Variants in CFDP1 observed in about 807,000 individuals in gnomAD.
CFDP1 encodes the protein chromatin remodeling protein CFDP1.
In CFDP1, 31 loss-of-function variants were observed where a neutral mutation model predicts 40.1. That is an observed-to-expected ratio of 0.77 (90% CI 0.58 to 1.04). CFDP1 has a LOEUF of 1.04. Ranked by LOEUF, CFDP1 falls within the 50% of genes least tolerant of loss-of-function variation. CFDP1 has a pLI of 0.00. For synonymous variants in CFDP1, 167 were observed against 120.0 expected (o/e 1.39, Z -2.56); for missense variants, 423 against 343.4 (o/e 1.23, Z -1.83).
At chr16:75,431,264 CAACATGGTGT>C (rs2079410788) in intron 1 of CFDP1, among the ~76,000 whole-genome samples, 1 of 151,660 alleles carries the variant, frequency 6.6e-6, no homozygotes, top group Non-Finnish European at 1.5e-5. Context: ...CAAGCCTGGC[CAACATGGTGT>C]AACTTCGTCT....
intron 1 of CFDP1, among the ~76,000 whole-genome samples, chr16:75,419,538 A>T (rs1305233688): frequency 6.6e-6 from 1 of 152,232 alleles, no homozygotes; most frequent in Non-Finnish European, 1.5e-5. Context: ...TGCCAGAGGC[A>T]TCTGAACCAG....
intron 6 of CFDP1, among the ~76,000 whole-genome samples, chr16:75,298,836 G>A (rs1260954790): frequency 6.6e-6 from 1 of 152,186 alleles, no homozygotes; most frequent in African/African-American, 2.4e-5. Flanking sequence ...GAGTGACCCT[G>A]AGGAGTCATG....
At chr16:75,317,101 G>A (rs2078328495) in intron 5 of CFDP1, among the ~76,000 whole-genome samples, 2 of 152,384 alleles carry the variant, frequency 1.3e-5, no homozygotes, top group South Asian at 4.1e-4. Context: ...ACAGGCAAGT[G>A]GCGAGGGCAG....
chr16:75,430,842 G>C (rs183041211), intron 1 of CFDP1, among the ~76,000 whole-genome samples: 1 of 152,224 alleles, frequency 6.6e-6, no homozygotes, highest in Admixed American at 6.5e-5. Flanking sequence ...TTTATTATCA[G>C]ACTTAAAGTC....
chr16:75,352,451 C>T (rs4888383), intron 5 of CFDP1, among the ~76,000 whole-genome samples: 78,581 of 151,882 alleles, frequency 0.52, 21,417 homozygotes, highest in Admixed American at 0.64. Flanking sequence ...GGAGATGAGA[C>T]TTATTATCTT....
At chr16:75,386,647 C>G (rs1413934032) in intron 5 of CFDP1, among the ~76,000 whole-genome samples, 2 of 152,166 alleles carry the variant, frequency 1.3e-5, no homozygotes, top group African/African-American at 4.8e-5. Context: ...ATCACTTGAA[C>G]CTGGGAGGCG....
chr16:75,335,964 T>C (rs1266810858), intron 5 of CFDP1, among the ~76,000 whole-genome samples: 1 of 152,118 alleles, frequency 6.6e-6, no homozygotes, highest in East Asian at 1.9e-4. Flanking sequence ...AAAAAATAGA[T>C]GACTGACTTC....
intron 6 of CFDP1, among the ~76,000 whole-genome samples, chr16:75,302,295 C>G (rs1363375403): frequency 6.6e-6 from 1 of 152,128 alleles, no homozygotes. Flanking sequence ...GGGTCTCACT[C>G]TTTCACCCAA....
At chr16:75,317,608 G>C (rs1310715057) in intron 5 of CFDP1, among the ~76,000 whole-genome samples, 1 of 152,172 alleles carries the variant, frequency 6.6e-6, no homozygotes, top group African/African-American at 2.4e-5. Flanking sequence ...AATACAAACA[G>C]ACAATTTACA....
Position 75,389,586 on chromosome 16 carries a change from C to T in CFDP1, c.650+5504G>A, listed in dbSNP as rs148646837. Among the ~76,000 whole-genome samples, 45 of 152,236 alleles carry T rather than the reference C, an allele frequency of 3.0e-4. No homozygotes were observed. The East Asian group carries it at 5.4e-3, about 18-fold the overall frequency. Reference sequence around the variant, plus strand: ...CTCCTGCTCTGGTTTTCCTGTATTGCTTAAATCTGTTTAGAGAGAGGAAAA... The same window carrying T: ...CTCCTGCTCTGGTTTTCCTGTATTGTTTAAATCTGTTTAGAGAGAGGAAAA... On this transcript the variant is annotated intron_variant, in intron 5 of 6. Coordinates refer to ENST00000283882, the MANE Select transcript of CFDP1 (RefSeq NM_006324.3).
intron 5 of CFDP1, among the ~76,000 whole-genome samples, chr16:75,384,919 G>A (rs2078882097): frequency 8.3e-6 from 1 of 120,992 alleles, no homozygotes; most frequent in African/African-American, 3.2e-5. Context: ...GTACAGACAG[G>A]GTAAGTCCAC....
intron 5 of CFDP1, among the ~76,000 whole-genome samples, chr16:75,372,742 A>G (rs1159624958): frequency 6.6e-6 from 1 of 152,222 alleles, no homozygotes; most frequent in East Asian, 1.9e-4. Flanking sequence ...AAGATGGAGT[A>G]TTAACTTTTC....
At chr16:75,352,272 C>T (rs2078618113) in intron 5 of CFDP1, among the ~76,000 whole-genome samples, 4 of 151,638 alleles carry the variant, frequency 2.6e-5, no homozygotes, top group South Asian at 2.1e-4. Flanking sequence ...ACCCAGGAGA[C>T]GGAGGTTGCA....
intron 5 of CFDP1, among the ~76,000 whole-genome samples, chr16:75,329,688 A>G (rs2078431010): frequency 6.6e-6 from 1 of 152,194 alleles, no homozygotes; most frequent in Non-Finnish European, 1.5e-5. Flanking sequence ...GTTTATTCCT[A>G]ATAAAGACTG....
chr16:75,388,920 CT>C (rs35626913), intron 5 of CFDP1, among the ~76,000 whole-genome samples: 76,118 of 146,276 alleles, frequency 0.52, 20,078 homozygotes, highest in Admixed American at 0.64. Flanking sequence ...ACATTAAGGC[CT>C]TTTTTTTTTT....
chr16:75,301,121 A>T (rs2078218568), intron 6 of CFDP1, among the ~76,000 whole-genome samples: 1 of 152,228 alleles, frequency 6.6e-6, no homozygotes, highest in Non-Finnish European at 1.5e-5. Flanking sequence ...CACAGGACTC[A>T]TGGAAAAGGG....
At chr16:75,431,990 C>A (rs1253436149) in intron 1 of CFDP1, among the ~76,000 whole-genome samples, 1 of 149,392 alleles carries the variant, frequency 6.7e-6, no homozygotes, top group Non-Finnish European at 1.5e-5. Context: ...CGGCTCACTG[C>A]AACCTCCACC....
intron 5 of CFDP1, among the ~76,000 whole-genome samples, chr16:75,311,078 G>A (rs1320305701): frequency 6.6e-6 from 1 of 152,146 alleles, no homozygotes; most frequent in African/African-American, 2.4e-5. Context: ...CACATATTAT[G>A]AGGGCACAAA....
At position 75,414,686 on chromosome 16, in the gene CFDP1, T is replaced by C. The variant is rs779655445; in HGVS notation, c.74A>G (p.Tyr25Cys). The C allele has an allele frequency of 3.7e-6, 6 of 1,600,774 alleles. No homozygotes were observed. Among genetic ancestry groups the C allele is most frequent in the Non-Finnish European group, 5.1e-6 (6 of 1,168,100 alleles). The stretch of plus-strand genomic sequence containing the variant: ...TAATTCATTTACATCATCTTCACTA[T>C]ACTCTCCACCTGAAATCACATAACA... ...DEDYVPSGGE[Y>C]SEDDVNELVK... Residue 25 changes from tyrosine to cysteine, a missense_variant, in exon 2 of 7, where the codon TAT becomes TGT. Physicochemically the swap from Tyr to Cys is radical, Grantham distance 194. Transcript: ENST00000283882.
Sources: allele counts gnomAD v4.1 joint callset (sites outside exome capture counted in the v4.1 genomes callset), GRCh38; gene constraint gnomAD v4.1.1; transcripts MANE v1.5; gene names NCBI Gene and HGNC (gene_info 2026-07-23, HGNC 2026-07-21).